GRIA1: variants seen among roughly 807,000 people sequenced by gnomAD.
GRIA1 encodes glutamate ionotropic receptor AMPA type subunit 1.
GRIA1 carries 31 observed loss-of-function variants against 99.2 expected under a neutral mutation model. The ratio of observed to expected loss-of-function variants is 0.31; its 90% confidence interval spans 0.23 to 0.42. The LOEUF (loss-of-function observed/expected upper bound fraction) is 0.42. Among genes scored for constraint, GRIA1 ranks in the 10% least tolerant of loss-of-function variants. The probability of loss-of-function intolerance (pLI) is 1.00; values close to 1 mark genes in which losing one functional copy is unlikely to be tolerated. For synonymous variants in GRIA1, 438 were observed against 432.4 expected, an observed-to-expected ratio of 1.01 and a Z score of -0.16; for missense variants, 782 against 1,157.5, an observed-to-expected ratio of 0.68 and a Z score of 4.71.
intron 2 of GRIA1, among the ~76,000 whole-genome samples, chr5:153,582,564 G>A (rs778670189): frequency 2.4e-4 from 37 of 152,058 alleles, no homozygotes; most frequent in African/African-American, 7.0e-4. Context: ...TGGTTCCATC[G>A]TTCTGCCCCT....
chr5:153,795,615 C>G, intron 14 of GRIA1: 1 of 1,320,504 alleles, frequency 7.6e-7, no homozygotes, highest in Non-Finnish European at 1.1e-6. Flanking sequence ...ACAGAGGTCA[C>G]GCACACCTGT....
At chr5:153,778,635 T>C (rs979835790) in intron 13 of GRIA1, among the ~76,000 whole-genome samples, 1 of 143,974 alleles carries the variant, frequency 6.9e-6, no homozygotes, top group Non-Finnish European at 1.5e-5. Flanking sequence ...AAAGATTATT[T>C]AATCATCACC....
At chr5:153,550,244 G>T (rs79282813) in intron 2 of GRIA1, among the ~76,000 whole-genome samples, 7,058 of 152,164 alleles carry the variant, frequency 0.046, 232 homozygotes, top group Non-Finnish European at 0.071. Flanking sequence ...CCACCAGGGA[G>T]TCGAGTCCAC....
intron 2 of GRIA1, among the ~76,000 whole-genome samples, chr5:153,610,185 A>G (rs2149408191): frequency 6.6e-6 from 1 of 152,336 alleles, no homozygotes; most frequent in Non-Finnish European, 1.5e-5. Context: ...GACTAAAAAT[A>G]GGGTGACTTA....
At chr5:153,794,070 G>A (rs1384019817) in intron 13 of GRIA1, among the ~76,000 whole-genome samples, 1 of 152,108 alleles carries the variant, frequency 6.6e-6, no homozygotes, top group African/African-American at 2.4e-5. Flanking sequence ...CCTGAAATTT[G>A]CCTAATTATT....
At chr5:153,747,867 C>CTGTG (rs757493639) in intron 11 of GRIA1, among the ~76,000 whole-genome samples, 2 of 152,222 alleles carry the variant, frequency 1.3e-5, no homozygotes, top group Non-Finnish European at 2.9e-5. Context: ...TCAGTTGTTT[C>CTGTG]TGTGTGGGTC....
chr5:153,664,958 G>A (rs1400304216), intron 5 of GRIA1, among the ~76,000 whole-genome samples: 1 of 152,182 alleles, frequency 6.6e-6, no homozygotes, highest in Non-Finnish European at 1.5e-5. Flanking sequence ...ATCATGTAAA[G>A]GGTAGATGCA....
chr5:153,506,069 G>T (rs758855605), intron 2 of GRIA1, among the ~76,000 whole-genome samples: 12 of 152,100 alleles, frequency 7.9e-5, no homozygotes, highest in Non-Finnish European at 1.8e-4. Flanking sequence ...CTGCAAACTA[G>T]GTCACTCACT....
At chr5:153,623,020 G>A (rs11956515) in intron 2 of GRIA1, among the ~76,000 whole-genome samples, 3,584 of 152,268 alleles carry the variant, frequency 0.024, 137 homozygotes, top group African/African-American at 0.082. Flanking sequence ...ACAGATTTAG[G>A]ATAACTATAC....
intron 2 of GRIA1, among the ~76,000 whole-genome samples, chr5:153,636,931 G>A (rs1326191024): frequency 6.6e-6 from 1 of 152,170 alleles, no homozygotes; most frequent in Non-Finnish European, 1.5e-5. Context: ...CCATGGAGTA[G>A]GACAGAACAT....
At chr5:153,725,098 T>G (rs1352935978) in intron 11 of GRIA1, among the ~76,000 whole-genome samples, 1 of 152,154 alleles carries the variant, frequency 6.6e-6, no homozygotes, top group African/African-American at 2.4e-5. Context: ...ATATTCAACA[T>G]TCTTACAGAA....
intron 2 of GRIA1, among the ~76,000 whole-genome samples, chr5:153,635,340 C>T (rs896924208): frequency 6.6e-6 from 1 of 152,162 alleles, no homozygotes; most frequent in Non-Finnish European, 1.5e-5. Flanking sequence ...ATGGGGATTG[C>T]GGAGATGACT....
intron 11 of GRIA1, among the ~76,000 whole-genome samples, chr5:153,711,846 G>A (rs1451340277): frequency 6.6e-6 from 1 of 152,120 alleles, no homozygotes; most frequent in Non-Finnish European, 1.5e-5. Flanking sequence ...CTAGGAGAAT[G>A]GAGGAAAATG....
chr5:153,745,709 A>ATCT (rs1762112793), intron 11 of GRIA1, among the ~76,000 whole-genome samples: 1 of 152,124 alleles, frequency 6.6e-6, no homozygotes. Context: ...TAATGCAGGC[A>ATCT]TCTTACATTT....
chr5:153,582,757 T>C (rs1344030827), intron 2 of GRIA1, among the ~76,000 whole-genome samples: 1 of 152,156 alleles, frequency 6.6e-6, no homozygotes, highest in Admixed American at 6.5e-5. Context: ...GGAGAGCTTT[T>C]TACAACTATG....
intron 2 of GRIA1, among the ~76,000 whole-genome samples, chr5:153,522,504 C>T (rs984947358): frequency 3.3e-5 from 5 of 152,044 alleles, no homozygotes; most frequent in Non-Finnish European, 5.9e-5. Flanking sequence ...ACAAATGACC[C>T]CCAAACTTCC....
At chr5:153,767,622 C>T (rs933533881) in intron 12 of GRIA1, among the ~76,000 whole-genome samples, 49 of 152,240 alleles carry the variant, frequency 3.2e-4, no homozygotes, top group African/African-American at 1.1e-3. Context: ...CCTACCACCC[C>T]CACAAGGCAA....
chr5:153,769,344 T>C (rs1040379954), intron 12 of GRIA1, among the ~76,000 whole-genome samples: 15 of 152,282 alleles, frequency 9.9e-5, no homozygotes, highest in African/African-American at 3.6e-4. Flanking sequence ...TTACAATCGA[T>C]GTACATGATA....
intron 2 of GRIA1, among the ~76,000 whole-genome samples, chr5:153,536,814 TA>T (rs1758614399): frequency 6.6e-6 from 1 of 152,216 alleles, no homozygotes; most frequent in Admixed American, 6.5e-5. Context: ...TCTACATCTT[TA>T]ATATTTCCGG....
Sources: allele counts gnomAD v4.1 joint callset (sites outside exome capture counted in the v4.1 genomes callset), GRCh38; gene constraint gnomAD v4.1.1; transcripts MANE v1.5; gene names NCBI Gene and HGNC (gene_info 2026-07-23, HGNC 2026-07-21).